Variants in EFHD1 observed in about 807,000 individuals in gnomAD.
EFHD1 encodes EF-hand domain-containing protein D1.
In EFHD1, 10 loss-of-function variants were observed where a neutral mutation model predicts 17.2. The ratio of observed to expected loss-of-function variants is 0.58; its 90% CI spans 0.36 to 0.99. The LOEUF (loss-of-function observed/expected upper bound fraction) is 0.99, where lower values mean the gene tolerates loss of function less well. EFHD1 is among the 50% of genes least tolerant of loss of function. The pLI, the probability that EFHD1 is intolerant of heterozygous loss-of-function variation, is 0.01. For synonymous variants in EFHD1, 153 were observed against 142.0 expected (o/e 1.08, Z -0.55); for missense variants, 310 against 327.5 (o/e 0.95, Z 0.41).
In EFHD1 at chr2:232,648,672, C is replaced by T. The variant is rs114927495; in HGVS notation, c.303-14130C>T. Among the ~76,000 whole-genome samples the T allele has an allele frequency of 4.8e-3, 735 of 152,042 alleles. 6 individuals carry two copies. Among genetic ancestry groups the T allele is most frequent in the African/African-American group, 0.016 (677 of 41,462 alleles). On this transcript the variant is annotated intron_variant, in intron 1 of 3. Coordinates refer to ENST00000264059, the MANE Select transcript of EFHD1 (RefSeq NM_025202.4). Reference sequence around the variant, plus strand: ...TGCCCTTCTCTGCCTTGAACGTGCCCAGGGGCTGTGGTGTGGGGGGCTTGT... The same window carrying T: ...TGCCCTTCTCTGCCTTGAACGTGCCTAGGGGCTGTGGTGTGGGGGGCTTGT...
At chr2:232,657,639 G>A (rs1378880119) in intron 1 of EFHD1, among the ~76,000 whole-genome samples, 1 of 151,684 alleles carries the variant, frequency 6.6e-6, no homozygotes, top group Non-Finnish European at 1.5e-5. Context: ...ATGAAACCCT[G>A]TCTCTACTAA....
At chr2:232,653,795 C>T (rs1223541340) in intron 1 of EFHD1, among the ~76,000 whole-genome samples, 1 of 152,236 alleles carries the variant, frequency 6.6e-6, no homozygotes, top group Non-Finnish European at 1.5e-5. Context: ...CAGCTGGTGG[C>T]TCTCAGCAGA....
rs1694142742 is a variant in EFHD1, at chr2:232,628,201, C to T, written c.14+22028C>T. On this transcript the variant is annotated intron_variant, in intron 1 of 3. Coordinates refer to the EFHD1 transcript ENST00000409613. The stretch of plus-strand genomic sequence containing the variant: ...TCAGCCTCCTGAGTAGCTGGGATTA[C>T]AGGCACCTGCCACCAAGGCCAGCTA... 2.6e-5 allele frequency among the ~76,000 whole-genome samples: 4 copies of T among 152,134 alleles called. No individual in the cohort carries two copies. In the South Asian group the frequency reaches 8.3e-4, roughly 31 times the overall value.
At chr2:232,631,783 T>C (rs540694666), upstream of EFHD1, among the ~76,000 whole-genome samples, 23 of 149,392 alleles carry the variant, frequency 1.5e-4, no homozygotes, top group African/African-American at 5.7e-4. Flanking sequence ...GGGAGGATCG[T>C]CTGAGGCTAG....
At chr2:232,662,776 G>C (rs377139617) in intron 1 of EFHD1, 26 bp from the exon 2 acceptor site, 2 of 1,553,502 alleles carry the variant, frequency 1.3e-6, no homozygotes, top group Non-Finnish European at 1.7e-6. Flanking sequence ...CTTTCATCCC[G>C]GTCATGCATT....
At chr2:232,649,614 A>G (rs781485631) in intron 1 of EFHD1, among the ~76,000 whole-genome samples, 2 of 152,124 alleles carry the variant, frequency 1.3e-5, no homozygotes, top group Non-Finnish European at 2.9e-5. Context: ...TGCTACTTTA[A>G]AAAAATAGCC....
chr2:232,662,165 G>A (rs537267959), intron 1 of EFHD1, among the ~76,000 whole-genome samples: 1 of 152,248 alleles, frequency 6.6e-6, no homozygotes, highest in Admixed American at 6.5e-5. Context: ...GGGCTGGGGG[G>A]CCAGTCAGCA....
At chr2:232,679,423 T>C (rs2106221758) in intron 3 of EFHD1, among the ~76,000 whole-genome samples, 1 of 151,846 alleles carries the variant, frequency 6.6e-6, no homozygotes, top group Non-Finnish European at 1.5e-5. Context: ...TGTAAATAAA[T>C]GCAAATTGGG....
chr2:232,677,264 A>ACACACACACACACACAC (rs1559358074), intron 3 of EFHD1, among the ~76,000 whole-genome samples: 2 of 53,006 alleles, frequency 3.8e-5, no homozygotes, highest in East Asian at 8.1e-4. Flanking sequence ...ATCTTTCTAT[A>ACACACACACACACACAC]ACACACACAT....
At chr2:232,651,887 C>A (rs1694661550) in intron 1 of EFHD1, among the ~76,000 whole-genome samples, 1 of 152,180 alleles carries the variant, frequency 6.6e-6, no homozygotes, top group African/African-American at 2.4e-5. Context: ...GGAGGGGCAA[C>A]CTTGGCATTA....
intron 1 of EFHD1, among the ~76,000 whole-genome samples, chr2:232,644,492 GTTTTC>G (rs1235777786): frequency 6.6e-6 from 1 of 151,500 alleles, no homozygotes; most frequent in East Asian, 1.9e-4. Context: ...TTCAGGGCTG[GTTTTC>G]TTTTCTTTTT....
At chr2:232,681,464 C>T (rs573959995) in intron 3 of EFHD1, 121 bp from the exon 4 acceptor site, 26 of 1,419,576 alleles carry the variant, frequency 1.8e-5, no homozygotes, top group South Asian at 1.4e-4. Flanking sequence ...TCCTGCCCTC[C>T]GTGGGCCCAC....
intron 1 of EFHD1, among the ~76,000 whole-genome samples, chr2:232,643,086 G>A (rs998658311): frequency 2.6e-5 from 4 of 152,096 alleles, no homozygotes; most frequent in African/African-American, 9.7e-5. Context: ...AGGTGGCAAG[G>A]TGTGAGTTTC....
intron 1 of EFHD1, among the ~76,000 whole-genome samples, chr2:232,618,633 G>A (rs1023390718): frequency 6.6e-6 from 1 of 151,094 alleles, no homozygotes; most frequent in Non-Finnish European, 1.5e-5. Context: ...TGAGGTAAGA[G>A]GATTGCTTGA....
At chr2:232,674,755 C>T (rs935278285) in intron 3 of EFHD1, among the ~76,000 whole-genome samples, 1 of 152,052 alleles carries the variant, frequency 6.6e-6, no homozygotes, top group African/African-American at 2.4e-5. Context: ...ATAAAGGAGC[C>T]GCCATTTGTG....
Position 232,660,198 on chromosome 2 carries a change from ATTTATT to A in EFHD1, c.303-2600_303-2595del, listed in dbSNP as rs1412573129. ...TTATTTTATTTTATTTTATTTATTT[ATTTATT>A]TTTTTTTTGAGGCGGAATCTTGCTC... On this transcript the variant is annotated intron_variant, in intron 1 of 3. Coordinates refer to ENST00000264059, the MANE Select transcript of EFHD1 (RefSeq NM_025202.4). Among the ~76,000 whole-genome samples the A allele has an allele frequency of 5.0e-3, 304 of 60,482 alleles. 2 individuals carry two copies. The highest frequency in any genetic ancestry group is 0.017 in the African/African-American group (288 of 16,468). 39.7% of individuals were successfully genotyped at this position (60,482 alleles called of 152,430 possible).
chr2:232,629,530 G>A (rs1010582115), upstream of EFHD1, among the ~76,000 whole-genome samples: 3 of 150,254 alleles, frequency 2.0e-5, no homozygotes, highest in African/African-American at 7.4e-5. Context: ...GTGCAGTGGT[G>A]CCATCTTGGC....
intron 1 of EFHD1, among the ~76,000 whole-genome samples, chr2:232,658,790 C>G (rs1297625579): frequency 2.0e-5 from 3 of 152,032 alleles, no homozygotes; most frequent in Admixed American, 2.0e-4. Flanking sequence ...GTATCAGTTT[C>G]TTTTTAGGGT....
At chr2:232,611,727 T>A in intron 1 of EFHD1, 1 of 152,332 alleles carries the variant, frequency 6.6e-6, no homozygotes, top group South Asian at 2.1e-4. Context: ...AGAGGGCAAG[T>A]GAGAGGCCCC....
Sources: allele counts gnomAD v4.1 joint callset (sites outside exome capture counted in the v4.1 genomes callset), GRCh38; gene constraint gnomAD v4.1.1; transcripts MANE v1.5; gene names NCBI Gene and HGNC (gene_info 2026-07-23, HGNC 2026-07-21).